APBA1: variants seen among roughly 807,000 people sequenced by gnomAD.
APBA1 encodes amyloid-beta A4 precursor protein-binding family A member 1.
APBA1 carries 55 observed loss-of-function variants against 86.6 expected under a neutral mutation model. The observed-to-expected ratio is 0.64, with a 90% CI of 0.51 to 0.80. APBA1 has a LOEUF of 0.80. APBA1 is among the 30% of genes least tolerant of loss of function. APBA1 has a pLI of 0.00. For missense variants in APBA1, 1,090 were observed against 1,183.0 expected (o/e 0.92, Z 1.15); for synonymous variants, 511 against 493.9 (o/e 1.03, Z -0.46).
At chr9:69,593,807 A>C (rs1349169832) in intron 1 of APBA1, among the ~76,000 whole-genome samples, 1 of 152,238 alleles carries the variant, frequency 6.6e-6, no homozygotes, top group Non-Finnish European at 1.5e-5. Context: ...CTTTTCAAAA[A>C]GGAAACCTTT....
intron 1 of APBA1, among the ~76,000 whole-genome samples, chr9:69,524,009 C>G (rs1476538423): frequency 6.6e-6 from 1 of 152,078 alleles, no homozygotes; most frequent in Non-Finnish European, 1.5e-5. Context: ...GATATTAACT[C>G]AGAAATCAAA....
At chr9:69,662,169 G>A (rs550914017) in intron 1 of APBA1, among the ~76,000 whole-genome samples, 32 of 152,206 alleles carry the variant, frequency 2.1e-4, no homozygotes, top group African/African-American at 7.7e-4. Flanking sequence ...ACCAGCAACT[G>A]TCTGGGCCCA....
intron 1 of APBA1, among the ~76,000 whole-genome samples, chr9:69,633,621 T>G (rs752627581): frequency 2.0e-5 from 3 of 152,184 alleles, no homozygotes; most frequent in Non-Finnish European, 4.4e-5. Context: ...GTACTCCATC[T>G]CTCAAATGAT....
At chr9:69,547,889 G>A (rs750149020) in intron 1 of APBA1, among the ~76,000 whole-genome samples, 1 of 152,208 alleles carries the variant, frequency 6.6e-6, no homozygotes, top group Non-Finnish European at 1.5e-5. Flanking sequence ...GGTGTGGTCA[G>A]TGGAAAATGG....
At chr9:69,645,157 C>T (rs1823366277) in intron 1 of APBA1, among the ~76,000 whole-genome samples, 1 of 152,106 alleles carries the variant, frequency 6.6e-6, no homozygotes, top group Non-Finnish European at 1.5e-5. Context: ...AAAGGAGATA[C>T]TGAGAAATTA....
At chr9:69,577,500 T>C (rs1821826698) in intron 1 of APBA1, among the ~76,000 whole-genome samples, 1 of 152,120 alleles carries the variant, frequency 6.6e-6, no homozygotes, top group Non-Finnish European at 1.5e-5. Flanking sequence ...ATTGAATAGA[T>C]GGCCAAGAGA....
intron 2 of APBA1, among the ~76,000 whole-genome samples, chr9:69,503,953 C>G (rs1835915829): frequency 6.6e-6 from 1 of 152,064 alleles, no homozygotes; most frequent in South Asian, 2.1e-4. Flanking sequence ...GAAGAGCAAT[C>G]CTCTGGTAGT....
intron 1 of APBA1, among the ~76,000 whole-genome samples, chr9:69,539,845 G>A (rs749515098): frequency 2.0e-5 from 3 of 152,138 alleles, no homozygotes; most frequent in Admixed American, 6.5e-5. Context: ...TTAGCCGGGG[G>A]CAGTGGCTGA....
chr9:69,526,815 C>T (rs908150979), intron 1 of APBA1, among the ~76,000 whole-genome samples: 1 of 152,056 alleles, frequency 6.6e-6, no homozygotes, highest in Non-Finnish European at 1.5e-5. Flanking sequence ...GACATGGAAC[C>T]AACCTAGGTG....
At chr9:69,463,654 GAGC>G (rs1835228822) in intron 5 of APBA1, 1 of 152,120 alleles carries the variant, frequency 6.6e-6, no homozygotes, top group Non-Finnish European at 1.5e-5. Flanking sequence ...GGCGCGTGGT[GAGC>G]AGTTCTCATT....
chr9:69,550,337 G>A (rs1340012657), intron 1 of APBA1, among the ~76,000 whole-genome samples: 1 of 152,076 alleles, frequency 6.6e-6, no homozygotes, highest in Non-Finnish European at 1.5e-5. Flanking sequence ...CCTTTTAAAT[G>A]CTCTCTGGAA....
At chr9:69,437,011 CT>C (rs1371742878) in intron 11 of APBA1, among the ~76,000 whole-genome samples, 28 of 152,036 alleles carry the variant, frequency 1.8e-4, no homozygotes, top group Non-Finnish European at 2.9e-5. Flanking sequence ...TGTCAAAGGC[CT>C]TTTCTGCATC....
At position 69,627,867 on chromosome 9, in the gene APBA1, G is replaced by A. The variant is rs114706495; in HGVS notation, c.-70+44286C>T. 4.1e-3 allele frequency among the ~76,000 whole-genome samples: 630 copies of A among 152,200 alleles called. 3 individuals carry two copies. Among genetic ancestry groups the A allele is most frequent in the African/African-American group, 0.014 (590 of 41,524 alleles). ...ACTATATTAAAAGGTGTGATGCAAC[G>A]GCTAACAGGCACTGGTGGGGGAATG... On this transcript the variant is annotated intron_variant, in intron 1 of 12. Transcript: ENST00000265381.
intron 1 of APBA1, among the ~76,000 whole-genome samples, chr9:69,567,261 C>G (rs1837041980): frequency 6.6e-6 from 1 of 152,114 alleles, no homozygotes; most frequent in Admixed American, 6.5e-5. Context: ...AAGGGTGATT[C>G]CCACAGAGAA....
chr9:69,562,384 T>A (rs1300700262), intron 1 of APBA1, among the ~76,000 whole-genome samples: 1 of 151,848 alleles, frequency 6.6e-6, no homozygotes, highest in Admixed American at 6.6e-5. Context: ...TCTTTTCTTT[T>A]TTTTTTTTGA....
At chr9:69,644,920 C>T (rs1316007909) in intron 1 of APBA1, among the ~76,000 whole-genome samples, 3 of 151,984 alleles carry the variant, frequency 2.0e-5, no homozygotes, top group Non-Finnish European at 4.4e-5. Flanking sequence ...ATGATTATGG[C>T]CTAGATAGGG....
chr9:69,646,927 T>G (rs909190815), intron 1 of APBA1, among the ~76,000 whole-genome samples: 6 of 152,210 alleles, frequency 3.9e-5, no homozygotes, highest in Non-Finnish European at 8.8e-5. Flanking sequence ...GAATAAGTCC[T>G]GAGACACAGG....
At chr9:69,652,065 G>A (rs1041314243) in intron 1 of APBA1, among the ~76,000 whole-genome samples, 1 of 152,208 alleles carries the variant, frequency 6.6e-6, no homozygotes, top group African/African-American at 2.4e-5. Context: ...GCCACGTGAG[G>A]ACACAGCAAG....
At chr9:69,489,339 T>A (rs1380280519) in intron 2 of APBA1, among the ~76,000 whole-genome samples, 2 of 152,042 alleles carry the variant, frequency 1.3e-5, no homozygotes, top group Admixed American at 1.3e-4. Flanking sequence ...TCTACAACCA[T>A]CTGATCTTTG....
Sources: allele counts gnomAD v4.1 joint callset (sites outside exome capture counted in the v4.1 genomes callset), GRCh38; gene constraint gnomAD v4.1.1; transcripts MANE v1.5; gene names NCBI Gene and HGNC (gene_info 2026-07-23, HGNC 2026-07-21).